Variants in ROBO1 observed in about 807,000 individuals in gnomAD.
ROBO1 encodes roundabout guidance receptor 1, also known as roundabout homolog 1.
Under a neutral mutation model 195.9 loss-of-function variants are expected in ROBO1, and 149 were observed. The observed-to-expected ratio is 0.76, with a 90% CI of 0.67 to 0.87. ROBO1 has a LOEUF of 0.87. Among genes scored for constraint, ROBO1 ranks in the 40% least tolerant of loss-of-function variants. The pLI is 0.00. For missense variants in ROBO1, 1,933 were observed against 2,068.3 expected, an observed-to-expected ratio of 0.93 and a Z score of 1.27; for synonymous variants, 816 against 733.2, an observed-to-expected ratio of 1.11 and a Z score of -1.82.
intron 2 of ROBO1, among the ~76,000 whole-genome samples, chr3:79,257,131 A>C (rs2082848814): frequency 6.6e-6 from 1 of 152,166 alleles, no homozygotes; most frequent in Non-Finnish European, 1.5e-5. Context: ...CCTTGGTATA[A>C]TGTTTGTAGA....
intron 3 of ROBO1, among the ~76,000 whole-genome samples, chr3:79,040,423 A>C (rs2078465454): frequency 6.6e-6 from 1 of 152,214 alleles, no homozygotes; most frequent in Non-Finnish European, 1.5e-5. Flanking sequence ...GTAATATACA[A>C]GAGCTTATAA....
chr3:79,487,500 C>T (rs1441416210), intron 2 of ROBO1, among the ~76,000 whole-genome samples: 3 of 152,176 alleles, frequency 2.0e-5, no homozygotes, highest in African/African-American at 7.2e-5. Flanking sequence ...CAGGCAGGAA[C>T]CACTGCGCCG....
At chr3:79,299,058 A>T (rs939350505) in intron 2 of ROBO1, among the ~76,000 whole-genome samples, 5 of 152,160 alleles carry the variant, frequency 3.3e-5, no homozygotes, top group Non-Finnish European at 7.4e-5. Context: ...ACTTCCAAAA[A>T]AGCTAAATAC....
chr3:79,424,423 CAT>C, intron 2 of ROBO1, among the ~76,000 whole-genome samples: 1 of 110,772 alleles, frequency 9.0e-6, no homozygotes, highest in Non-Finnish European at 1.9e-5. Context: ...ATGAAAATAT[CAT>C]ATCATATATA....
At chr3:79,326,986 A>G (rs1256920950) in intron 2 of ROBO1, among the ~76,000 whole-genome samples, 1 of 152,092 alleles carries the variant, frequency 6.6e-6, no homozygotes, top group Non-Finnish European at 1.5e-5. Context: ...TTATCTCTCT[A>G]AGCTTCCTTT....
chr3:78,800,506 A>G (rs1279862969), intron 4 of ROBO1, among the ~76,000 whole-genome samples: 1 of 152,098 alleles, frequency 6.6e-6, no homozygotes, highest in East Asian at 1.9e-4. Context: ...TAAAAATAAT[A>G]CTATCCACAG....
intron 2 of ROBO1, among the ~76,000 whole-genome samples, chr3:79,342,809 A>T (rs775631929): frequency 2.0e-5 from 3 of 152,186 alleles, no homozygotes; most frequent in African/African-American, 4.8e-5. Context: ...AACATCCCTT[A>T]TCAGAGTAAA....
At chr3:78,828,860 A>G (rs2108726831) in intron 4 of ROBO1, among the ~76,000 whole-genome samples, 1 of 152,350 alleles carries the variant, frequency 6.6e-6, no homozygotes, top group South Asian at 2.1e-4. Flanking sequence ...CATCAAATCA[A>G]GTATATAAAT....
chr3:79,741,512 T>C (rs1198986001), intron 1 of ROBO1, among the ~76,000 whole-genome samples: 4 of 152,298 alleles, frequency 2.6e-5, no homozygotes, highest in Non-Finnish European at 4.4e-5. Context: ...AAGCTTGCTG[T>C]AGAATTTAGC....
chr3:79,422,288 G>C (rs115510930), intron 2 of ROBO1, among the ~76,000 whole-genome samples: 65 of 151,542 alleles, frequency 4.3e-4, no homozygotes, highest in African/African-American at 1.5e-3. Flanking sequence ...GTGCAACTAA[G>C]TTAAGCACTT....
chr3:79,005,955 A>G (rs995173633), intron 3 of ROBO1, among the ~76,000 whole-genome samples: 1 of 152,156 alleles, frequency 6.6e-6, no homozygotes, highest in African/African-American at 2.4e-5. Flanking sequence ...ATTCAGCCAC[A>G]ACCTCGATTT....
intron 3 of ROBO1, among the ~76,000 whole-genome samples, chr3:79,093,366 T>G (rs926508046): frequency 4.6e-5 from 7 of 152,082 alleles, no homozygotes; most frequent in Admixed American, 1.3e-4. Context: ...AAACACACTG[T>G]TTACTAAAAT....
intron 2 of ROBO1, among the ~76,000 whole-genome samples, chr3:79,333,823 G>A (rs1207069217): frequency 6.6e-6 from 1 of 152,066 alleles, no homozygotes; most frequent in African/African-American, 2.4e-5. Context: ...CTTTCTCTCT[G>A]TGCCTCAGTT....
Position 78,987,898 on chromosome 3 carries a change from C to T in ROBO1, c.173-48971G>A, listed in dbSNP as rs181722924. Among the ~76,000 whole-genome samples the T allele has an allele frequency of 1.3e-3, 204 of 152,132 alleles. 2 individuals are homozygous for T. The Middle Eastern group carries it at 0.02, about 15-fold the overall frequency. On this transcript the variant is annotated intron_variant, in intron 3 of 30. Transcript: ENST00000464233. The stretch of plus-strand genomic sequence containing the variant: ...CATAAATACATACACCTACTATGTA[C>T]CCACCAAAATAAAACATAATTATAT...
intron 2 of ROBO1, among the ~76,000 whole-genome samples, chr3:79,199,746 T>G (rs777220330): frequency 1.6e-4 from 24 of 151,454 alleles, no homozygotes; most frequent in African/African-American, 2.4e-4. Context: ...CATTTTTCTA[T>G]GTGGCTTGAG....
chr3:79,232,770 A>C (rs2082343193), intron 2 of ROBO1, among the ~76,000 whole-genome samples: 1 of 152,166 alleles, frequency 6.6e-6, no homozygotes, highest in Non-Finnish European at 1.5e-5. Context: ...GTCAAATCTG[A>C]TGAATATTTC....
rs768056892 is a variant in ROBO1 at position 78,746,850 on chromosome 3, C to G, written c.550G>C (p.Gly184Arg). The G allele has an allele frequency of 2.5e-6, 4 of 1,593,404 alleles. No homozygotes were observed. In the East Asian group the frequency reaches 6.7e-5, roughly 27 times the overall value. Residue 184 changes from glycine to arginine, a missense_variant, in exon 5 of 31, where the codon GGA becomes CGA. This residue lies in a region of ROBO1 where 1,737 missense variants were observed against 1,882.5 expected (regional missense o/e 0.92). Coordinates refer to ENST00000464233, the MANE Select transcript of ROBO1 (RefSeq NM_002941.4). Reference sequence around the variant, plus strand: ...TGGCATTCCATTACTGCAGGCTCTCCTACTGCAACCATGACATCCGAAGGG... The same window carrying G: ...TGGCATTCCATTACTGCAGGCTCTCGTACTGCAACCATGACATCCGAAGGG... ...QNPSDVMVAV[G>R]EPAVMECQPP...
intron 3 of ROBO1, among the ~76,000 whole-genome samples, chr3:79,011,978 C>T (rs1427921940): frequency 6.6e-6 from 1 of 152,106 alleles, no homozygotes; most frequent in African/African-American, 2.4e-5. Flanking sequence ...ACTCCACGCT[C>T]CTTTCATGGC....
chr3:79,093,568 T>A (rs1399537456), intron 3 of ROBO1, among the ~76,000 whole-genome samples: 1 of 152,102 alleles, frequency 6.6e-6, no homozygotes, highest in Non-Finnish European at 1.5e-5. Context: ...AGATGCTGTA[T>A]CTCCTTATTG....
Sources: gnomAD v4.1 joint callset for allele counts (sites outside exome capture counted in the v4.1 genomes callset) on GRCh38, gnomAD v4.1.1 for gene constraint, gnomAD v4.1.1 regional missense constraint, MANE v1.5 for transcripts, NCBI Gene and HGNC (gene_info 2026-07-23, HGNC 2026-07-21) for gene names.